The following NPLOC4 variants were observed in gnomAD, a reference collection of about 807,000 sequenced individuals.
NPLOC4 encodes the protein nuclear protein localization protein 4 homolog.
In NPLOC4, 18 loss-of-function variants were observed where a neutral mutation model predicts 80.6. That is an observed-to-expected ratio of 0.22 (90% CI 0.15 to 0.33). The LOEUF (loss-of-function observed/expected upper bound fraction) is 0.33, where lower values mean the gene tolerates loss of function less well. Ranked by LOEUF, NPLOC4 falls within the 10% of genes least tolerant of loss-of-function variation. The pLI, the probability that NPLOC4 is intolerant of heterozygous loss-of-function variation, is 1.00. For missense variants in NPLOC4, 540 were observed against 786.1 expected (o/e 0.69, Z 3.74); for synonymous variants, 313 against 301.5 (o/e 1.04, Z -0.39).
At position 81,636,909 on chromosome 17, in the gene NPLOC4, C is replaced by A; in HGVS notation, c.15+7G>T. The A allele has an allele frequency of 7.1e-7, 1 of 1,408,656 alleles. No homozygotes were observed. 87.3% of individuals were successfully genotyped at this position (1,408,656 alleles called of 1,614,324 possible). A position where few individuals can be genotyped will look rare whatever the true frequency, so the allele number is the denominator to read the frequency against. On this transcript the variant is annotated splice_region_variant and intron_variant, in intron 1 of 16. Coordinates refer to ENST00000331134, the MANE Select transcript of NPLOC4 (RefSeq NM_017921.4). ...CGTCCCCGCTCCCGCCCGGCCGCCG[C>A]ACTCACGATGCTCTCGGCCATGGCG... is the stretch of plus-strand genomic sequence containing the variant.
At chr17:81,584,273 T>C (rs1168954258) in intron 12 of NPLOC4, among the ~76,000 whole-genome samples, 1 of 152,222 alleles carries the variant, frequency 6.6e-6, no homozygotes, top group African/African-American at 2.4e-5. Flanking sequence ...CTATAAACAA[T>C]TCTGGGAAGT....
In NPLOC4 at chr17:81,629,778, C is replaced by T. The variant is rs1371438043; in HGVS notation, c.43G>A (p.Val15Met). 6.2e-7 allele frequency: 1 copy of T among 1,613,896 alleles called. No individual in the cohort carries two copies. The highest frequency in any genetic ancestry group is 8.5e-7 in the Non-Finnish European group (1 of 1,179,806). The part of the protein sequence containing the change: ...IIIRVQSPDG[V>M]KRITATKRET... ...CTCTTTGTTGCTGTGATCCGCTTCA[C>T]TCCATCCGGGGACTGGACACGAATT... The change falls in exon 2 of 17, where the codon GTG (valine) becomes ATG (methionine). Residue 15 changes from valine to methionine, a missense_variant. Val to Met is a conservative substitution (Grantham distance 21). Transcript: ENST00000331134.
chr17:81,606,550 CA>C, intron 7 of NPLOC4, 140 bp downstream of exon 7: 4 of 887,908 alleles, frequency 4.5e-6, no homozygotes. Flanking sequence ...ACCACTTCCA[CA>C]AAAGGATCAT....
intron 8 of NPLOC4, among the ~76,000 whole-genome samples, chr17:81,600,781 T>C (rs547313014): frequency 1.3e-5 from 2 of 152,328 alleles, no homozygotes; most frequent in East Asian, 1.9e-4. Flanking sequence ...TCAAACTTCC[T>C]TGGATAAGTA....
chr17:81,585,660 C>CCG (rs1568131997), intron 12 of NPLOC4, among the ~76,000 whole-genome samples: 3 of 117,592 alleles, frequency 2.6e-5, no homozygotes, highest in Non-Finnish European at 3.3e-5. Flanking sequence ...GACTCCATTT[C>CCG]TGGGGGGGGG....
intron 8 of NPLOC4, among the ~76,000 whole-genome samples, chr17:81,602,325 T>A (rs981771096): frequency 1.3e-5 from 2 of 151,758 alleles, no homozygotes; most frequent in Non-Finnish European, 2.9e-5. Flanking sequence ...GGCAGTAGGA[T>A]CACTTGAGGC....
chr17:81,624,537 G>T (rs560493722), intron 2 of NPLOC4, among the ~76,000 whole-genome samples: 3 of 152,236 alleles, frequency 2.0e-5, no homozygotes, highest in Admixed American at 6.5e-5. Flanking sequence ...AGGCGGAGCT[G>T]CAGTGAGATG....
At chr17:81,571,868 CCTGGGTGCCTGTT>C (rs1287521331) in intron 13 of NPLOC4, 136 bp downstream of exon 13, 1 of 454,028 alleles carries the variant, frequency 2.2e-6, no homozygotes, top group African/African-American at 2.0e-5. Flanking sequence ...ACAACCACCT[CCTGGGTGCCTGTT>C]CTGGGGTGGG....
rs1364625348 is a variant in NPLOC4, at chr17:81,567,820, A to C, written c.1450-287T>G. The C allele has an allele frequency of 3.3e-6, 1 of 302,064 alleles. No individual in the cohort carries two copies. The highest frequency in any genetic ancestry group is 6.3e-6 in the Non-Finnish European group (1 of 159,536). The allele number at this position is 302,064 out of a possible 1,614,324, so 18.7% of individuals were successfully genotyped here. A position where few individuals can be genotyped will look rare whatever the true frequency, so the allele number is the denominator to read the frequency against. On this transcript the variant is annotated intron_variant, in intron 14 of 16. Transcript: ENST00000331134. This position sits in a 1 kb window ranked among gnomAD's most constrained non-coding sequence, Gnocchi z 4.5. ...AGACTGGCCAGGTGTGGAGGCTAAC[A>C]CAGTAATTCCAGCACTTTTTAGGAG...
intron 8 of NPLOC4, 41 bp from the exon 9 acceptor site, chr17:81,600,468 G>C: frequency 6.6e-7 from 1 of 1,516,832 alleles, no homozygotes; most frequent in Non-Finnish European, 9.1e-7. Context: ...TAGAGCAGAG[G>C]GCTCAGGAAG....
At chr17:81,598,321 C>A (rs2034975510) in intron 9 of NPLOC4, among the ~76,000 whole-genome samples, 1 of 152,120 alleles carries the variant, frequency 6.6e-6, no homozygotes, top group Non-Finnish European at 1.5e-5. Context: ...TGAGTTTCCT[C>A]AGCACCAGCT....
chr17:81,575,803 G>A (rs9898926), intron 12 of NPLOC4, among the ~76,000 whole-genome samples: 21,842 of 152,200 alleles, frequency 0.14, 1,872 homozygotes, highest in Admixed American at 0.23. Flanking sequence ...CACCTCCACC[G>A]CAAGGGAAGA....
chr17:81,619,831 A>G (rs1304685156), intron 3 of NPLOC4, among the ~76,000 whole-genome samples: 1 of 151,238 alleles, frequency 6.6e-6, no homozygotes, highest in East Asian at 2.0e-4. Flanking sequence ...GTGAGCTGAG[A>G]TTGCGCCACT....
intron 1 of NPLOC4, among the ~76,000 whole-genome samples, chr17:81,632,583 G>A (rs1362897089): frequency 6.6e-6 from 1 of 151,924 alleles, no homozygotes; most frequent in Non-Finnish European, 1.5e-5. Context: ...CAAAGTGCTG[G>A]GATTACAGGT....
At chr17:81,633,161 C>A (rs982684962) in intron 1 of NPLOC4, among the ~76,000 whole-genome samples, 2 of 150,472 alleles carry the variant, frequency 1.3e-5, no homozygotes, top group Non-Finnish European at 3.0e-5. Context: ...AAATACAATT[C>A]TTTATACTTC....
At chr17:81,621,552 T>C (rs1410409641) in intron 3 of NPLOC4, among the ~76,000 whole-genome samples, 1 of 152,210 alleles carries the variant, frequency 6.6e-6, no homozygotes, top group Non-Finnish European at 1.5e-5. Context: ...ATGGTTTCGA[T>C]GGGAGCCAGC....
chr17:81,620,227 G>C (rs1358233639), intron 3 of NPLOC4, among the ~76,000 whole-genome samples: 1 of 152,242 alleles, frequency 6.6e-6, no homozygotes, highest in African/African-American at 2.4e-5. Context: ...GCCAGGCACG[G>C]TGGCTCACAC....
intron 3 of NPLOC4, among the ~76,000 whole-genome samples, chr17:81,615,709 G>T (rs961346730): frequency 2.0e-5 from 3 of 152,124 alleles, no homozygotes; most frequent in African/African-American, 7.2e-5. Flanking sequence ...GCCCAGAGGG[G>T]GCAGCTGAGT....
chr17:81,577,237 C>T lies in NPLOC4; in HGVS notation c.1282-5149G>A, dbSNP rs1411687210. Among the ~76,000 whole-genome samples, 2 of 152,100 alleles carry T rather than the reference C, an allele frequency of 1.3e-5. No homozygotes were observed. The highest frequency in any genetic ancestry group is 4.8e-5 in the African/African-American group (2 of 41,376). On this transcript the variant is annotated intron_variant, in intron 12 of 16. Coordinates refer to ENST00000331134, the MANE Select transcript of NPLOC4 (RefSeq NM_017921.4). This position sits in a 1 kb window ranked among gnomAD's most constrained non-coding sequence, Gnocchi z 4.3. ...CACGGCGCTCTGACCCGCCCCACCC[C>T]ATCACTGTGTAGTCCTCGCCAGACT...
Sources: gnomAD v4.1 joint callset for allele counts (sites outside exome capture counted in the v4.1 genomes callset) on GRCh38, gnomAD v4.1.1 for gene constraint, Gnocchi (gnomAD v3.1) non-coding constraint, MANE v1.5 for transcripts, NCBI Gene and HGNC (gene_info 2026-07-23, HGNC 2026-07-21) for gene names.